The following METTL13 variants were observed in gnomAD, a reference collection of about 807,000 sequenced individuals.
METTL13 encodes methyltransferase 13, eEF1A N-terminus and K55, also known as eEF1A lysine and N-terminal methyltransferase.
In METTL13, 52 loss-of-function variants were observed where a neutral mutation model predicts 67.4. That is an observed-to-expected ratio of 0.77 (90% CI 0.62 to 0.97). METTL13 has a LOEUF of 0.97. Ranked by LOEUF, METTL13 falls within the 50% of genes least tolerant of loss-of-function variation. The pLI is 0.00. For synonymous variants in METTL13, 354 were observed against 353.6 expected (o/e 1.00, Z -0.01); for missense variants, 825 against 889.6 (o/e 0.93, Z 0.92).
intron 3 of METTL13, among the ~76,000 whole-genome samples, chr1:171,786,338 C>T (rs1657009147): frequency 6.6e-6 from 1 of 152,192 alleles, no homozygotes; most frequent in South Asian, 2.1e-4. Flanking sequence ...ATGCTCTACT[C>T]ATTGCGGGCT....
intron 1 of METTL13, among the ~76,000 whole-genome samples, 199 bp downstream of exon 1, chr1:171,782,319 C>T (rs1457849066): frequency 6.6e-6 from 1 of 152,078 alleles, no homozygotes; most frequent in Admixed American, 6.5e-5. Flanking sequence ...ACCTGTAATC[C>T]GAACACTTTG....
chr1:171,785,782 G>T, intron 2 of METTL13, 97 bp from the exon 3 acceptor site: 1 of 1,248,182 alleles, frequency 8.0e-7, no homozygotes, highest in Non-Finnish European at 1.1e-6. Flanking sequence ...GGAAGATGCT[G>T]GTCTTGGACA....
intron 4 of METTL13, among the ~76,000 whole-genome samples, chr1:171,790,126 G>T (rs980197279): frequency 1.3e-5 from 2 of 152,140 alleles, no homozygotes; most frequent in African/African-American, 4.8e-5. Flanking sequence ...GAGATGCCAG[G>T]CTTTTTTCAA....
intron 4 of METTL13, 91 bp from the exon 5 acceptor site, chr1:171,790,361 T>C (rs1001978567): frequency 1.5e-6 from 2 of 1,326,006 alleles, no homozygotes; most frequent in Admixed American, 2.9e-5. Context: ...GTCTTTTGAG[T>C]GTTCAAGCCA....
intron 1 of METTL13, among the ~76,000 whole-genome samples, chr1:171,783,061 C>CTTTTTTTTTTTTTT (rs56363000): frequency 7.2e-6 from 1 of 138,732 alleles, no homozygotes. Flanking sequence ...CCGAGAGCCA[C>CTTTTTTTTTTTTTT]TTTTTTTTTT....
In METTL13 at chr1:171,781,927, G is replaced by C. The variant is rs1164071899; in HGVS notation, c.-41G>C. ...AGCTCCTCAAATGGTATCTCACAGG[G>C]AATAGGGGAGTCTTGAAAACGCAGC... On this transcript the variant is annotated 5_prime_UTR_variant, in exon 1 of 8. Coordinates refer to ENST00000361735, the MANE Select transcript of METTL13 (RefSeq NM_015935.5). The C allele has an allele frequency of 1.9e-6, 3 of 1,611,786 alleles. No individual in the cohort carries two copies. The South Asian group carries it at 3.3e-5, about 18-fold the overall frequency.
In METTL13 at chr1:171,781,947, C is replaced by T. The variant is rs1299954493; in HGVS notation, c.-21C>T. Reference sequence around the variant, plus strand: ...ACAGGGAATAGGGGAGTCTTGAAAACGCAGCTTCGGCAGTAGGAACATGAA... The same window carrying T: ...ACAGGGAATAGGGGAGTCTTGAAAATGCAGCTTCGGCAGTAGGAACATGAA... On this transcript the variant is annotated 5_prime_UTR_variant, in exon 1 of 8. In the 5' UTR this introduces an upstream ATG that the reference lacks. Coordinates refer to ENST00000361735, the MANE Select transcript of METTL13 (RefSeq NM_015935.5). 4 of 1,613,460 alleles carry T rather than the reference C, an allele frequency of 2.5e-6. No individual in the cohort carries two copies. The South Asian group carries it at 4.4e-5, about 18-fold the overall frequency.
At position 171,787,846 on chromosome 1, in the gene METTL13, C is replaced by T. The variant is rs762670834; in HGVS notation, c.1225C>T (p.Arg409Ter). Reference sequence around the variant, plus strand: ...TGAGGATGTGCAAGGGGATGACAAGCGATACTTCCGTCGACTGATCTTCCT... The same window carrying T: ...TGAGGATGTGCAAGGGGATGACAAGTGATACTTCCGTCGACTGATCTTCCT... ...VIEDVQGDDK[R>*]YFRRLIFLSN... Residue 409 changes from arginine to a stop codon, truncating the protein, a stop_gained, in exon 4 of 8, where the codon CGA (arginine) becomes TGA (stop). Transcript: ENST00000361735. LOFTEE classifies it high-confidence loss of function. 3.7e-6 allele frequency: 6 copies of T among 1,613,982 alleles called. No individual in the cohort carries two copies. The highest frequency in any genetic ancestry group is 2.7e-5 in the African/African-American group (2 of 74,894).
At chr1:171,787,180 G>A (rs951519708) in intron 3 of METTL13, among the ~76,000 whole-genome samples, 2 of 151,850 alleles carry the variant, frequency 1.3e-5, no homozygotes, top group East Asian at 3.9e-4. Flanking sequence ...AGTCTTATAG[G>A]TCTTTAAAAA....
rs528923505 is a variant in METTL13 at position 171,790,795 on chromosome 1, C to G, written c.1474+179C>G. ...TAATTAACTGTTGCCTCAAACTCAA[C>G]CTGTTATATTGAAATTGTATTGAAA... On this transcript the variant is annotated intron_variant, in intron 5 of 7. Transcript: ENST00000361735. 99 of 562,538 alleles carry G rather than the reference C, an allele frequency of 1.8e-4. No homozygotes were observed. The African/African-American group carries it at 1.9e-3, about 11-fold the overall frequency. The allele number at this position is 562,538 out of a possible 1,614,324, so 34.8% of individuals were successfully genotyped here.
Position 171,784,057 on chromosome 1 carries a change from C to T in METTL13, c.471C>T (p.Leu157=). 6.2e-7 allele frequency: 1 copy of T among 1,614,222 alleles called. No homozygotes were observed. The highest frequency in any genetic ancestry group is 8.5e-7 in the Non-Finnish European group (1 of 1,180,040). ...GRVLQVGGRY[L]CISLAQAHIL... ...TCCTGCAGGTGGGCGGTCGCTATCT[C>T]TGCATCTCCCTGGCTCAGGCTCACA... Residue 157 remains leucine, a synonymous_variant, in exon 2 of 8, where the codon CTC becomes CTT. Coordinates refer to ENST00000361735, the MANE Select transcript of METTL13 (RefSeq NM_015935.5).
chr1:171,782,130 G>A lies in METTL13; in HGVS notation c.153+10G>A, dbSNP rs754189997. On this transcript the variant is annotated intron_variant, in intron 1 of 7. Coordinates refer to ENST00000361735, the MANE Select transcript of METTL13 (RefSeq NM_015935.5). Reference sequence around the variant, plus strand: ...CAAGCCCAGGGAAAAGGTGAGGAGCGCGGGTTGGTAGCCCTTCGTACGTGC... The same window carrying A: ...CAAGCCCAGGGAAAAGGTGAGGAGCACGGGTTGGTAGCCCTTCGTACGTGC... 4.3e-6 allele frequency: 7 copies of A among 1,611,824 alleles called. No individual in the cohort carries two copies. Among genetic ancestry groups the A allele is most frequent in the South Asian group, 3.3e-5 (3 of 90,984 alleles).
At chr1:171,791,459 G>T (rs1387438955) in intron 5 of METTL13, among the ~76,000 whole-genome samples, 3 of 152,142 alleles carry the variant, frequency 2.0e-5, no homozygotes, top group South Asian at 4.1e-4. Context: ...CCTAGAGAGG[G>T]TCTAATAATT....
intron 6 of METTL13, among the ~76,000 whole-genome samples, chr1:171,792,826 G>A (rs141090859): frequency 1.4e-4 from 22 of 152,214 alleles, no homozygotes; most frequent in Non-Finnish European, 3.1e-4. Context: ...GAATTATCTG[G>A]CCCAGAATTT....
intron 4 of METTL13, 104 bp downstream of exon 4, chr1:171,788,034 T>TTC (rs1212239044): frequency 3.6e-6 from 4 of 1,107,410 alleles, no homozygotes; most frequent in Non-Finnish European, 5.3e-6. Context: ...TGTCTGTAGG[T>TTC]TCTTAACCAT....
chr1:171,783,061 C>CTTTTT (rs56363000), intron 1 of METTL13, among the ~76,000 whole-genome samples: 3 of 138,732 alleles, frequency 2.2e-5, no homozygotes, highest in East Asian at 2.1e-4. Context: ...CCGAGAGCCA[C>CTTTTT]TTTTTTTTTT....
At chr1:171,785,658 C>T (rs769207209) in intron 2 of METTL13, among the ~76,000 whole-genome samples, 39 of 152,330 alleles carry the variant, frequency 2.6e-4, no homozygotes, top group Middle Eastern at 3.4e-3. Flanking sequence ...CCTTCCCCTA[C>T]GGACATGCCC....
chr1:171,792,335 T>C, intron 6 of METTL13, 100 bp downstream of exon 6: 1 of 1,314,666 alleles, frequency 7.6e-7, no homozygotes, highest in Non-Finnish European at 1.1e-6. Flanking sequence ...GAGAGTGGCA[T>C]GAGTATCGTT....
At chr1:171,785,407 G>T (rs1480214803) in intron 2 of METTL13, among the ~76,000 whole-genome samples, 2 of 152,146 alleles carry the variant, frequency 1.3e-5, no homozygotes, top group African/African-American at 4.8e-5. Context: ...AGAGTCTGGG[G>T]CTAGACTGCC....
Sources: allele counts gnomAD v4.1 joint callset (sites outside exome capture counted in the v4.1 genomes callset), GRCh38; gene constraint gnomAD v4.1.1; transcripts MANE v1.5; gene names NCBI Gene and HGNC (gene_info 2026-07-23, HGNC 2026-07-21).